GPC6: variants seen among roughly 807,000 people sequenced by gnomAD.
The protein encoded by GPC6 is glypican-6.
A neutral mutation model predicts 55.2 loss-of-function variants in GPC6; 14 were observed. The ratio of observed to expected loss-of-function variants is 0.25; its 90% CI spans 0.17 to 0.40. The LOEUF is 0.40. Ranked by LOEUF, GPC6 falls within the 10% of genes least tolerant of loss-of-function variation. The pLI is 1.00. For synonymous variants in GPC6, 278 were observed against 259.6 expected, an observed-to-expected ratio of 1.07 and a Z score of -0.68; for missense variants, 641 against 708.5, an observed-to-expected ratio of 0.90 and a Z score of 1.08.
intron 3 of GPC6, among the ~76,000 whole-genome samples, chr13:93,906,368 A>G (rs558185692): frequency 1.3e-5 from 2 of 152,260 alleles, no homozygotes; most frequent in South Asian, 2.1e-4. Flanking sequence ...GGTTCACTGC[A>G]TATACTGAAC....
chr13:93,511,363 A>G (rs1442340820), intron 1 of GPC6, among the ~76,000 whole-genome samples: 3 of 151,772 alleles, frequency 2.0e-5, no homozygotes, highest in Non-Finnish European at 4.4e-5. Context: ...ATTTTTGTAC[A>G]GTGAGAAATA....
intron 2 of GPC6, among the ~76,000 whole-genome samples, chr13:93,677,723 G>T (rs1881690819): frequency 6.6e-6 from 1 of 152,040 alleles, no homozygotes; most frequent in Non-Finnish European, 1.5e-5. Context: ...AATTACAAGG[G>T]TTAAAACAGA....
rs554054598 is a variant in GPC6 at position 93,721,645 on chromosome 13, C to T, written c.320-108509C>T. On this transcript the variant is annotated intron_variant, in intron 2 of 8. Coordinates refer to ENST00000377047, the MANE Select transcript of GPC6 (RefSeq NM_005708.5). ...ACAGCACAGTTGCAAGAAAGCCACACCTGTTTACTTTTCTAAGAGCAAAAA... is the reference window on the plus strand; with the variant it reads ...ACAGCACAGTTGCAAGAAAGCCACATCTGTTTACTTTTCTAAGAGCAAAAA... Among the ~76,000 whole-genome samples the T allele has an allele frequency of 2.1e-3, 314 of 151,820 alleles. 1 individual carries two copies. Among genetic ancestry groups the T allele is most frequent in the African/African-American group, 6.7e-3 (279 of 41,494 alleles).
intron 3 of GPC6, among the ~76,000 whole-genome samples, chr13:93,923,288 A>C (rs925964212): frequency 6.6e-6 from 1 of 152,166 alleles, no homozygotes; most frequent in African/African-American, 2.4e-5. Flanking sequence ...ATGTTAACAA[A>C]TTTCACATAG....
intron 1 of GPC6, among the ~76,000 whole-genome samples, chr13:93,323,102 A>G (rs1381893047): frequency 6.6e-6 from 1 of 152,120 alleles, no homozygotes; most frequent in African/African-American, 2.4e-5. Flanking sequence ...TGATTTCTTT[A>G]TATTTTCTAT....
In GPC6 at chr13:93,599,300, A is replaced by G. The variant is rs80181235; in HGVS notation, c.319+53879A>G. 1.2e-3 allele frequency among the ~76,000 whole-genome samples: 177 copies of G among 147,096 alleles called. 1 individual carries two copies. The highest frequency in any genetic ancestry group is 2.4e-3 in the African/African-American group (96 of 40,760). ...CCAAATATTGGTAAAAAAAAAAAAAAAGAGACATCAGAATCTTTATAAAGT... is the reference window on the plus strand; with the variant it reads ...CCAAATATTGGTAAAAAAAAAAAAAGAGAGACATCAGAATCTTTATAAAGT... On this transcript the variant is annotated intron_variant, in intron 2 of 8. Coordinates refer to ENST00000377047, the MANE Select transcript of GPC6 (RefSeq NM_005708.5).
At chr13:94,199,775 T>G (rs1219812466) in intron 4 of GPC6, among the ~76,000 whole-genome samples, 1 of 152,218 alleles carries the variant, frequency 6.6e-6, no homozygotes, top group African/African-American at 2.4e-5. Context: ...CTGTGCTCAA[T>G]TAATGTTCCC....
chr13:94,337,639 T>G (rs9516393), intron 6 of GPC6, among the ~76,000 whole-genome samples: 23,819 of 151,846 alleles, frequency 0.16, 2,180 homozygotes, highest in East Asian at 0.3. Context: ...GCAGAGACAG[T>G]GTTTCATCAT....
At chr13:93,633,295 A>T (rs181129482) in intron 2 of GPC6, among the ~76,000 whole-genome samples, 57 of 152,322 alleles carry the variant, frequency 3.7e-4, no homozygotes, top group Non-Finnish European at 7.5e-4. Flanking sequence ...CCCAAATTTT[A>T]GAACTTTTCT....
intron 4 of GPC6, among the ~76,000 whole-genome samples, chr13:94,229,656 C>T (rs1056445148): frequency 6.6e-6 from 1 of 152,202 alleles, no homozygotes; most frequent in Non-Finnish European, 1.5e-5. Context: ...TGCTCAATAA[C>T]ACAAGGTTAG....
intron 3 of GPC6, among the ~76,000 whole-genome samples, chr13:93,841,109 G>T (rs1339966287): frequency 6.6e-6 from 1 of 152,090 alleles, no homozygotes; most frequent in Non-Finnish European, 1.5e-5. Context: ...AAGTTTGGAG[G>T]ATTTCTATTT....
At chr13:93,261,453 A>G (rs1164247258) in intron 1 of GPC6, among the ~76,000 whole-genome samples, 4 of 152,188 alleles carry the variant, frequency 2.6e-5, no homozygotes, top group African/African-American at 9.7e-5. Flanking sequence ...TTCCTGTAGT[A>G]CTGCATTTAC....
chr13:93,856,816 T>G (rs74108899), intron 3 of GPC6, among the ~76,000 whole-genome samples: 5,247 of 151,644 alleles, frequency 0.035, 264 homozygotes, highest in East Asian at 0.17. Context: ...ATGGATCCTC[T>G]TGCTACATCA....
intron 4 of GPC6, among the ~76,000 whole-genome samples, chr13:94,101,475 T>C (rs1885857454): frequency 1.3e-5 from 2 of 152,338 alleles, no homozygotes; most frequent in South Asian, 4.1e-4. Context: ...TTCATCTCAG[T>C]AGAGTGCAGT....
At chr13:93,827,155 G>A (rs554457171) in intron 2 of GPC6, among the ~76,000 whole-genome samples, 1 of 152,258 alleles carries the variant, frequency 6.6e-6, no homozygotes, top group South Asian at 2.1e-4. Flanking sequence ...GTTGACTGAA[G>A]ACTTTATCCA....
chr13:94,360,598 G>C (rs1566718294), intron 6 of GPC6, among the ~76,000 whole-genome samples: 1 of 152,112 alleles, frequency 6.6e-6, no homozygotes, highest in Non-Finnish European at 1.5e-5. Context: ...CCAAGAATTA[G>C]GAAATTGTTT....
intron 3 of GPC6, among the ~76,000 whole-genome samples, chr13:94,026,456 C>G (rs1462544586): frequency 6.6e-6 from 1 of 151,708 alleles, no homozygotes; most frequent in African/African-American, 2.4e-5. Flanking sequence ...CCAAATGATA[C>G]AAATTAGATT....
At chr13:94,129,338 C>T (rs1228826299) in intron 4 of GPC6, among the ~76,000 whole-genome samples, 1 of 152,106 alleles carries the variant, frequency 6.6e-6, no homozygotes, top group Non-Finnish European at 1.5e-5. Flanking sequence ...CAGGGAATTA[C>T]ATTTCCCAGG....
intron 5 of GPC6, among the ~76,000 whole-genome samples, chr13:94,296,987 A>T (rs1246095744): frequency 1.3e-5 from 2 of 152,140 alleles, no homozygotes; most frequent in Non-Finnish European, 2.9e-5. Flanking sequence ...AAACACATTA[A>T]TAATGTGTTT....
Sources: allele counts gnomAD v4.1 joint callset (sites outside exome capture counted in the v4.1 genomes callset), GRCh38; gene constraint gnomAD v4.1.1; transcripts MANE v1.5; gene names NCBI Gene and HGNC (gene_info 2026-07-23, HGNC 2026-07-21).